Variants in SLC2A6 observed in about 807,000 individuals in gnomAD.
The protein encoded by SLC2A6 is solute carrier family 2 member 6.
Under a neutral mutation model 47.8 loss-of-function variants are expected in SLC2A6, and 39 were observed. The observed-to-expected ratio is 0.82, with a 90% CI of 0.63 to 1.07. The LOEUF (loss-of-function observed/expected upper bound fraction) is 1.07. SLC2A6 is among the 50% of genes least tolerant of loss of function. The probability of loss-of-function intolerance (pLI) is 0.00; values close to 1 mark genes in which losing one functional copy is unlikely to be tolerated. For synonymous variants in SLC2A6, 346 were observed against 324.1 expected, an observed-to-expected ratio of 1.07 and a Z score of -0.73; for missense variants, 650 against 707.6, an observed-to-expected ratio of 0.92 and a Z score of 0.92.
intron 1 of SLC2A6, chr9:133,478,760 C>T (rs1020194081): frequency 1.7e-6 from 1 of 590,842 alleles, no homozygotes; most frequent in Non-Finnish European, 2.9e-6. Flanking sequence ...CAGTGGGGGG[C>T]TGGGCCCGGT....
intron 4 of SLC2A6, 44 bp downstream of exon 4, chr9:133,476,193 C>T (rs1843942554): frequency 2.0e-6 from 3 of 1,486,420 alleles, no homozygotes; most frequent in African/African-American, 1.4e-5. Context: ...GCGGCACCCA[C>T]CCCTCCCACC....
rs587603637 is a variant in SLC2A6 at position 133,476,331 on chromosome 9, G to A, written c.468C>T (p.Tyr156=). 91 of 1,612,610 alleles carry A rather than the reference G, an allele frequency of 5.6e-5. 1 individual carries two copies. Among genetic ancestry groups the A allele is most frequent in the East Asian group, 5.1e-4 (23 of 44,870 alleles). The change falls in exon 4 of 10, where the codon TAC becomes TAT. Residue 156 remains tyrosine (Y), a synonymous_variant. Coordinates refer to ENST00000371899, the MANE Select transcript of SLC2A6 (RefSeq NM_017585.4). ...CGCCTGGGGGAGCAATCTCAGACAC[G>A]TACACCTGCAAGACACAGCCGCCGC... ...GGLTAACIPV[Y]VSEIAPPGVR...
intron 9 of SLC2A6, 144 bp from the exon 10 acceptor site, chr9:133,472,320 A>C (rs1843752626): frequency 2.2e-6 from 2 of 914,324 alleles, no homozygotes; most frequent in South Asian, 1.7e-5. Flanking sequence ...GCCCCCCCAC[A>C]CCAGGGCTCC....
intron 1 of SLC2A6, 47 bp from the exon 2 acceptor site, chr9:133,478,463 TC>T (rs1218858521): frequency 6.2e-6 from 10 of 1,602,860 alleles, no homozygotes; most frequent in Non-Finnish European, 8.5e-6. Context: ...GAGTCCCTCC[TC>T]CAGGGACCAT....
chr9:133,476,225 G>A lies in SLC2A6; in HGVS notation c.562+12C>T. On this transcript the variant is annotated intron_variant, in intron 4 of 9. Transcript: ENST00000371899. Reference sequence around the variant, plus strand: ...CACCAGCCTGCACACAGGAGTGCGGGGCCATACTTGCCAAGGGCGTAGAGG... The same window carrying A: ...CACCAGCCTGCACACAGGAGTGCGGAGCCATACTTGCCAAGGGCGTAGAGG... The A allele has an allele frequency of 1.2e-6, 2 of 1,605,330 alleles. No individual in the cohort carries two copies. The highest frequency in any genetic ancestry group is 1.7e-6 in the Non-Finnish European group (2 of 1,173,414).
chr9:133,474,281 C>G (rs924262597), intron 6 of SLC2A6, among the ~76,000 whole-genome samples, 193 bp from the exon 7 acceptor site: 1 of 152,264 alleles, frequency 6.6e-6, no homozygotes. Flanking sequence ...AGGGACACAT[C>G]TGCTCTGCCC....
chr9:133,477,792 T>C (rs782202593), intron 2 of SLC2A6, among the ~76,000 whole-genome samples: 62 of 152,390 alleles, frequency 4.1e-4, no homozygotes, highest in Non-Finnish European at 6.6e-4. Flanking sequence ...GGAATTTTTA[T>C]CTTAACTACT....
In SLC2A6 at chr9:133,474,031, C is replaced by T. The variant is rs782109460; in HGVS notation, c.985G>A (p.Ala329Thr). ...CCTGCGAGGTCCATGGTGAGGGCGG[C>T]GATCAGCACGGACAGGAGCCGCACG... ...GAVRLLSVLI[A>T]ALTMDLAGRK... Residue 329 changes from alanine to threonine, a missense_variant, in exon 7 of 10, where the codon GCC (alanine) becomes ACC (threonine). Physicochemically the swap from Ala to Thr is moderately conservative, Grantham distance 58. Transcript: ENST00000371899. The T allele has an allele frequency of 1.9e-6, 3 of 1,610,808 alleles. No homozygotes were observed. Among genetic ancestry groups the T allele is most frequent in the Non-Finnish European group, 2.5e-6 (3 of 1,179,032 alleles).
rs1251082818 is a variant in SLC2A6 at position 133,474,069 on chromosome 9, G to A, written c.947C>T (p.Ala316Val). The A allele has an allele frequency of 1.9e-6, 3 of 1,607,824 alleles. No homozygotes were observed. The Admixed American group carries it at 5.0e-5, about 27-fold the overall frequency. ...AVLLPPKDDA[A>V]IVGAVRLLSV... ...CAGGAGCCGCACGGCCCCAACGATG[G>A]CTGCGTCGTCCTTGGGGGGCTATCG... The change falls in exon 7 of 10, where the codon GCC becomes GTC. Residue 316 changes from alanine to valine, a missense_variant. Physicochemically the swap from Ala to Val is moderately conservative, Grantham distance 64 (BLOSUM62 0). Coordinates refer to ENST00000371899, the MANE Select transcript of SLC2A6 (RefSeq NM_017585.4).
At position 133,473,256 on chromosome 9, in the gene SLC2A6, C is replaced by T. The variant is rs782287348; in HGVS notation, c.1223-6G>A. 3.1e-5 allele frequency: 49 copies of T among 1,566,642 alleles called. No homozygotes were observed. Among genetic ancestry groups the T allele is most frequent in the East Asian group, 2.4e-4 (10 of 42,458 alleles). The stretch of plus-strand genomic sequence containing the variant: ...ACCCCAGCCCACGGCGTAGCCTGCT[C>T]GGAGGAGGAGGCAGGTTCAGGCCCT... On this transcript the variant is annotated splice_polypyrimidine_tract_variant and splice_region_variant and intron_variant, in intron 8 of 9. Transcript: ENST00000371899.
chr9:133,474,140 C>G (rs782399011), intron 6 of SLC2A6, 52 bp from the exon 7 acceptor site: 7 of 1,415,022 alleles, frequency 4.9e-6, no homozygotes, highest in African/African-American at 1.4e-5. Context: ...GTTCCCATCC[C>G]CCTCCAGGAC....
rs1554803139 is a variant in SLC2A6, at chr9:133,475,583, A to G, written c.591T>C (p.Ala197=). The change falls in exon 5 of 10, where the codon GCT becomes GCC. Residue 197 remains alanine (A), a synonymous_variant. Coordinates refer to ENST00000371899, the MANE Select transcript of SLC2A6 (RefSeq NM_017585.4). The stretch of plus-strand genomic sequence containing the variant: ...TGAGCACAGGCGCCTCCCCGGCCAC[A>G]GCCAGCCAGCGCCACGGCAGCAGGA... ...LGLLLPWRWL[A]VAGEAPVLIM... 4 of 1,604,414 alleles carry G rather than the reference A, an allele frequency of 2.5e-6. No individual in the cohort carries two copies. Among genetic ancestry groups the G allele is most frequent in the Non-Finnish European group, 3.4e-6 (4 of 1,177,362 alleles).
chr9:133,478,893 G>C (rs1424102790), intron 1 of SLC2A6, 75 bp downstream of exon 1: 18 of 1,375,888 alleles, frequency 1.3e-5, no homozygotes, highest in Non-Finnish European at 1.8e-5. Context: ...CCCAGGGCGG[G>C]AGCCTGCCGC....
chr9:133,478,569 G>A (rs957519030), intron 1 of SLC2A6, 153 bp from the exon 2 acceptor site: 1 of 782,780 alleles, frequency 1.3e-6, no homozygotes. Context: ...CTGAGCCCCA[G>A]CTCCCCTGGG....
chr9:133,478,941 C>T (rs1042875260), intron 1 of SLC2A6, 27 bp downstream of exon 1: 1 of 1,532,402 alleles, frequency 6.5e-7, no homozygotes, highest in East Asian at 2.5e-5. Flanking sequence ...AGGCCCCACC[C>T]GCAGCCCCCA....
Position 133,472,128 on chromosome 9 carries a change from A to C in SLC2A6, c.1417T>G (p.Leu473Val), listed in dbSNP as rs782289559. The C allele has an allele frequency of 1.2e-6, 2 of 1,613,410 alleles. No homozygotes were observed. The highest frequency in any genetic ancestry group is 1.1e-5 in the South Asian group (1 of 91,066). Residue 473 changes from leucine to valine, a missense_variant, in exon 10 of 10, where the codon TTG (leucine) becomes GTG (valine). Transcript: ENST00000371899. ...VPFFFFAAIC[L>V]VSLVFTGCCV... ...CAGCCTGTGAACACCAGGCTCACCA[A>C]GCAGATGGCCGCGAAGAAGAAGAAA...
Position 133,477,099 on chromosome 9 carries a change from C to T in SLC2A6, c.398G>A (p.Trp133Ter). 1.3e-6 allele frequency: 2 copies of T among 1,546,708 alleles called. No homozygotes were observed. Among genetic ancestry groups the T allele is most frequent in the South Asian group, 2.4e-5 (2 of 83,758 alleles). ...CAGCGTCCTTCCGAGCAGCAGCATC[C>T]AGAGGCCGTGCGCACCCGCCATGAG... ...YALMAGAHGL[W>*]MLLLGRTLTG... Residue 133 changes from tryptophan (W) to a stop codon, truncating the protein, a stop_gained, in exon 3 of 10, where the codon TGG (tryptophan) becomes TAG (stop). Coordinates refer to ENST00000371899, the MANE Select transcript of SLC2A6 (RefSeq NM_017585.4). LOFTEE classifies it high-confidence loss of function.
Position 133,472,024 on chromosome 9 carries a change from G to C in SLC2A6, c.1521C>G (p.Arg507=). 6.2e-7 allele frequency: 1 copy of C among 1,612,440 alleles called. No individual in the cohort carries two copies. The highest frequency in any genetic ancestry group is 8.5e-7 in the Non-Finnish European group (1 of 1,179,330). ...FFRTGRRSFL[R] is the part of the protein sequence containing the mutation. Reference sequence around the variant, plus strand: ...CCCTCCAGGCGGGGACCTTGACCTAGCGCAAGAAGGACCTTCTCCCCGTGC... The same window carrying C: ...CCCTCCAGGCGGGGACCTTGACCTACCGCAAGAAGGACCTTCTCCCCGTGC... Residue 507 remains arginine, a synonymous_variant, in exon 10 of 10, where the codon CGC becomes CGG. Transcript: ENST00000371899.
At chr9:133,478,729 C>T (rs906944819) in intron 1 of SLC2A6, 18 of 587,948 alleles carry the variant, frequency 3.1e-5, no homozygotes, top group Admixed American at 1.3e-4. Context: ...CTCGCTGGGG[C>T]CTCAGTCTCA....
Sources: gnomAD v4.1 joint callset for allele counts (sites outside exome capture counted in the v4.1 genomes callset) on GRCh38, gnomAD v4.1.1 for gene constraint, MANE v1.5 for transcripts, NCBI Gene and HGNC (gene_info 2026-07-23, HGNC 2026-07-21) for gene names.